The following CORO1C variants were observed in gnomAD, a reference collection of about 807,000 sequenced individuals.
CORO1C encodes the protein coronin 1C, also known as coronin-1C.
Under a neutral mutation model 51.2 loss-of-function variants are expected in CORO1C, and 14 were observed. The observed-to-expected ratio is 0.27, with a 90% CI of 0.18 to 0.43. The LOEUF (loss-of-function observed/expected upper bound fraction) is 0.43, where lower values mean the gene tolerates loss of function less well. Ranked by LOEUF, CORO1C falls within the 20% of genes least tolerant of loss-of-function variation. The pLI, the probability that CORO1C is intolerant of heterozygous loss-of-function variation, is 1.00. For missense variants in CORO1C, 417 were observed against 607.8 expected (o/e 0.69, Z 3.30); for synonymous variants, 181 against 210.5 (o/e 0.86, Z 1.21).
At chr12:108,649,365 G>T in intron 8 of CORO1C, 1 of 346,106 alleles carries the variant, frequency 2.9e-6, no homozygotes, top group Non-Finnish European at 5.4e-6. Flanking sequence ...AAATTACCAT[G>T]TCAACCTACA....
chr12:108,661,859 A>T (rs939493184), intron 4 of CORO1C, among the ~76,000 whole-genome samples, 170 bp downstream of exon 4: 1 of 152,150 alleles, frequency 6.6e-6, no homozygotes, highest in African/African-American at 2.4e-5. Flanking sequence ...ACACACACAC[A>T]AGTATGTATG....
intron 8 of CORO1C, among the ~76,000 whole-genome samples, chr12:108,651,131 A>C (rs1230720856): frequency 6.6e-6 from 1 of 152,234 alleles, no homozygotes; most frequent in Non-Finnish European, 1.5e-5. Context: ...TTTTATTTTT[A>C]GTAGAGATTA....
chr12:108,688,559 T>C (rs1565921961), intron 2 of CORO1C, among the ~76,000 whole-genome samples: 1 of 152,242 alleles, frequency 6.6e-6, no homozygotes, highest in Non-Finnish European at 1.5e-5. Context: ...CACATAATTA[T>C]TTCTGACCCA....
chr12:108,669,006 G>A (rs1400101061), intron 3 of CORO1C, among the ~76,000 whole-genome samples: 7 of 152,196 alleles, frequency 4.6e-5, no homozygotes, highest in Admixed American at 4.6e-4. Context: ...GTTTCTGGGA[G>A]TACAATTTAC....
intron 3 of CORO1C, among the ~76,000 whole-genome samples, 156 bp downstream of exon 3, chr12:108,678,116 C>A (rs1048829701): frequency 6.6e-6 from 1 of 152,076 alleles, no homozygotes; most frequent in African/African-American, 2.4e-5. Flanking sequence ...TAAACTTAAA[C>A]GTAGTAAATT....
chr12:108,718,197 T>TA, intron 1 of CORO1C, among the ~76,000 whole-genome samples: 1 of 151,862 alleles, frequency 6.6e-6, no homozygotes, highest in South Asian at 2.1e-4. Context: ...ACTAAAAATA[T>TA]AAAAAATTAG....
chr12:108,648,818 G>A lies in CORO1C; in HGVS notation c.1092C>T (p.Asp364=). 6.2e-7 allele frequency: 1 copy of A among 1,614,236 alleles called. No individual in the cohort carries two copies. Among genetic ancestry groups the A allele is most frequent in the South Asian group, 1.1e-5 (1 of 91,084 alleles). ...CCAGCGCGGCCTCTGGCCCCGCTGTGTCAGGATACAGGTCATCTTGGAAAA... is the reference window on the plus strand; with the variant it reads ...CCAGCGCGGCCTCTGGCCCCGCTGTATCAGGATACAGGTCATCTTGGAAAA... ...SDLFQDDLYP[D]TAGPEAALEA... The change falls in exon 10 of 11, where the codon GAC becomes GAT. Residue 364 remains aspartate (D), a synonymous_variant. Coordinates refer to ENST00000261401, the MANE Select transcript of CORO1C (RefSeq NM_014325.4).
intron 2 of CORO1C, among the ~76,000 whole-genome samples, chr12:108,697,419 T>C (rs1370458013): frequency 1.3e-5 from 2 of 152,240 alleles, no homozygotes; most frequent in Non-Finnish European, 2.9e-5. Flanking sequence ...CAGGCTGCTA[T>C]CAACATGTAT....
chr12:108,696,153 T>A (rs764461612), intron 2 of CORO1C, among the ~76,000 whole-genome samples: 1 of 152,166 alleles, frequency 6.6e-6, no homozygotes, highest in Non-Finnish European at 1.5e-5. Flanking sequence ...AGAGCAGCAT[T>A]CTTGTCCCAG....
intron 1 of CORO1C, among the ~76,000 whole-genome samples, chr12:108,726,287 C>T (rs907226846): frequency 5.3e-5 from 8 of 150,992 alleles, no homozygotes; most frequent in African/African-American, 1.7e-4. Flanking sequence ...GGTGTAGTGG[C>T]GGGCGCCTGT....
intron 2 of CORO1C, among the ~76,000 whole-genome samples, chr12:108,695,438 A>G (rs943096822): frequency 6.6e-6 from 1 of 152,210 alleles, no homozygotes; most frequent in South Asian, 2.1e-4. Flanking sequence ...TGCATCCTCT[A>G]TCCAAGTGAG....
At chr12:108,656,154 G>A (rs1236782232) in intron 6 of CORO1C, among the ~76,000 whole-genome samples, 19 of 54,596 alleles carry the variant, frequency 3.5e-4, no homozygotes, top group Admixed American at 3.3e-3. Flanking sequence ...CAGCCGCCCC[G>A]TCTGAGAAGT....
rs1273592182 is a variant in CORO1C at position 108,667,608 on chromosome 12, T to C, written c.319-5450A>G. Among the ~76,000 whole-genome samples, 3 of 152,214 alleles carry C rather than the reference T, an allele frequency of 2.0e-5. No homozygotes were observed. In the East Asian group the frequency reaches 5.8e-4, roughly 29 times the overall value. On this transcript the variant is annotated intron_variant, in intron 3 of 10. Transcript: ENST00000261401. ...AGGACAAAAATGAAATCAGAGGAGC[T>C]GTGGTGGCTCAGGCCTGTTGTCCTG...
At chr12:108,693,530 C>T (rs1271556491) in intron 2 of CORO1C, among the ~76,000 whole-genome samples, 1 of 152,134 alleles carries the variant, frequency 6.6e-6, no homozygotes, top group Non-Finnish European at 1.5e-5. Context: ...ACCAATTTTG[C>T]CAAATTCACA....
chr12:108,711,233 T>C (rs950336884), intron 1 of CORO1C, among the ~76,000 whole-genome samples: 16 of 151,668 alleles, frequency 1.1e-4, no homozygotes, highest in African/African-American at 3.9e-4. Flanking sequence ...GGTGTGATGT[T>C]GTAGTATACC....
At chr12:108,661,965 T>C (rs1592861115) in intron 4 of CORO1C, 64 bp downstream of exon 4, 1 of 1,590,962 alleles carries the variant, frequency 6.3e-7, no homozygotes, top group South Asian at 1.1e-5. Context: ...CACATTTGCT[T>C]CCCCCCACTC....
chr12:108,648,736 G>C lies in CORO1C; in HGVS notation c.1174C>G (p.His392Asp), dbSNP rs1369218702. ...CTGTTTTTGCCTGGAATGTACCCGT[G>C]CTTCAAGGAGATGAGGATTGGGTCT... ...NADPILISLKHGYIPGKNRDL... is the reference protein window; with the variant it reads ...NADPILISLKDGYIPGKNRDL... The change falls in exon 10 of 11, where the codon CAC (histidine) becomes GAC (aspartate). Residue 392 changes from histidine to aspartate, a missense_variant. Physicochemically the swap from His to Asp is moderately conservative, Grantham distance 81. Transcript: ENST00000261401. The C allele has an allele frequency of 1.2e-6, 2 of 1,614,104 alleles. No homozygotes were observed. The highest frequency in any genetic ancestry group is 1.7e-5 in the Admixed American group (1 of 60,016).
intron 3 of CORO1C, among the ~76,000 whole-genome samples, chr12:108,663,042 T>C (rs2033335676): frequency 6.6e-6 from 1 of 152,178 alleles, no homozygotes; most frequent in African/African-American, 2.4e-5. Flanking sequence ...AAGGAAGACA[T>C]ATAAATGGCG....
chr12:108,696,327 C>T (rs2034681034), intron 2 of CORO1C: 1 of 151,442 alleles, frequency 6.6e-6, no homozygotes, highest in Non-Finnish European at 1.5e-5. Flanking sequence ...AGATCAAGAG[C>T]ATATAATTCT....
Sources: allele counts gnomAD v4.1 joint callset (sites outside exome capture counted in the v4.1 genomes callset), GRCh38; gene constraint gnomAD v4.1.1; transcripts MANE v1.5; gene names NCBI Gene and HGNC (gene_info 2026-07-23, HGNC 2026-07-21).